MGAT3: variants seen among roughly 807,000 people sequenced by gnomAD.
MGAT3 encodes the protein beta-1,4-mannosyl-glycoprotein 4-beta-N-acetylglucosaminyltransferase, also known as GlcNAc-T III.
Under a neutral mutation model 29.8 loss-of-function variants are expected in MGAT3, and 9 were observed. That is an observed-to-expected ratio of 0.30 (90% CI 0.18 to 0.53). The LOEUF is 0.53. MGAT3 is among the 20% of genes least tolerant of loss of function. The pLI is 0.96. For synonymous variants in MGAT3, 397 were observed against 348.9 expected (o/e 1.14, Z -1.54); for missense variants, 557 against 769.5 (o/e 0.72, Z 3.27).
rs534661806 is a variant in MGAT3, at chr22:39,489,251, G to A, written c.*302G>A. ...GTGTGCGTGGTGGTCCCTGGGTAGCGGGGGAGGGTAGGCAGGATTGGGGAA... is the reference window on the plus strand; with the variant it reads ...GTGTGCGTGGTGGTCCCTGGGTAGCAGGGGAGGGTAGGCAGGATTGGGGAA... On this transcript the variant is annotated 3_prime_UTR_variant, in exon 2 of 2. Coordinates refer to ENST00000341184, the MANE Select transcript of MGAT3 (RefSeq NM_002409.5). The A allele has an allele frequency of 1.1e-5, 5 of 441,684 alleles. No homozygotes were observed. Among genetic ancestry groups the A allele is most frequent in the African/African-American group, 6.0e-5 (3 of 50,168 alleles). The allele number at this position is 441,684 out of a possible 1,614,324, so 27.4% of individuals were successfully genotyped here. A position where few individuals can be genotyped will look rare whatever the true frequency, so the allele number is the denominator to read the frequency against.
Position 39,487,254 on chromosome 22 carries a change from C to A in MGAT3, c.-1-93C>A. 1 of 1,343,252 alleles carries A rather than the reference C, an allele frequency of 7.4e-7. No individual in the cohort carries two copies. The highest frequency in any genetic ancestry group is 1.0e-6 in the Non-Finnish European group (1 of 981,052). The allele number at this position is 1,343,252 out of a possible 1,614,324, so 83.2% of individuals were successfully genotyped here. On this transcript the variant is annotated intron_variant, in intron 1 of 1. Coordinates refer to ENST00000341184, the MANE Select transcript of MGAT3 (RefSeq NM_002409.5). This position sits in a 1 kb window ranked among gnomAD's most constrained non-coding sequence, Gnocchi z 5.7. ...AGCAGGTGCTGGCCACCACATTGTC[C>A]AGCAAGGTGGCAGCAGAGGCCTCCT...
intron 1 of MGAT3, among the ~76,000 whole-genome samples, chr22:39,478,024 C>T (rs1413863011): frequency 6.6e-6 from 1 of 152,208 alleles, no homozygotes; most frequent in East Asian, 1.9e-4. Flanking sequence ...CCAGGAGCTG[C>T]TGTACATGGC....
intron 1 of MGAT3, among the ~76,000 whole-genome samples, chr22:39,484,253 C>T (rs1929207888): frequency 6.6e-6 from 1 of 152,210 alleles, no homozygotes; most frequent in South Asian, 2.1e-4. Context: ...GGCATCCAGC[C>T]TTGAGCATTG....
At chr22:39,464,592 C>A (rs1334577599) in intron 1 of MGAT3, among the ~76,000 whole-genome samples, 1 of 151,650 alleles carries the variant, frequency 6.6e-6, no homozygotes, top group Non-Finnish European at 1.5e-5. Context: ...AGACGCCCAC[C>A]ACCACACCCA....
chr22:39,465,530 A>G (rs1601718613), intron 1 of MGAT3, among the ~76,000 whole-genome samples: 1 of 152,050 alleles, frequency 6.6e-6, no homozygotes, highest in Non-Finnish European at 1.5e-5. Context: ...CAGGTCCCTC[A>G]CCCGTCAGGC....
At position 39,489,794 on chromosome 22, in the gene MGAT3, G is replaced by A. The variant is rs899204822; in HGVS notation, c.*845G>A. 6.0e-6 allele frequency: 1 copy of A among 167,466 alleles called. No individual in the cohort carries two copies. 10.4% of individuals were successfully genotyped at this position (167,466 alleles called of 1,614,324 possible). A position where few individuals can be genotyped will look rare whatever the true frequency, so the allele number is the denominator to read the frequency against. On this transcript the variant is annotated 3_prime_UTR_variant, in exon 2 of 2. Transcript: ENST00000341184. ...AGGTGTGGCCTTGAGGGGGAAGTGG[G>A]GAGGAGAAGACTGACATGAGTCCTC... is the stretch of plus-strand genomic sequence containing the variant.
At position 39,488,814 on chromosome 22, in the gene MGAT3, G is replaced by A; in HGVS notation, c.1467G>A (p.Lys489=). ...TGTATGCGCCCAAGTACCTGCTGAA[G>A]AACTACGACCGGTTCCACTACCTGC... ...EHMYAPKYLL[K]NYDRFHYLLD... Residue 489 remains lysine, a synonymous_variant, in exon 2 of 2, where the codon AAG becomes AAA. Coordinates refer to ENST00000341184, the MANE Select transcript of MGAT3 (RefSeq NM_002409.5). 1 of 1,610,850 alleles carries A rather than the reference G, an allele frequency of 6.2e-7. No individual in the cohort carries two copies. The highest frequency in any genetic ancestry group is 8.5e-7 in the Non-Finnish European group (1 of 1,178,566).
intron 1 of MGAT3, among the ~76,000 whole-genome samples, chr22:39,469,557 G>T (rs1347042929): frequency 6.6e-6 from 1 of 152,168 alleles, no homozygotes; most frequent in Non-Finnish European, 1.5e-5. Flanking sequence ...CACTGCCTAG[G>T]ACTCTTGGAC....
intron 1 of MGAT3, among the ~76,000 whole-genome samples, chr22:39,460,804 AATAG>A (rs1280432539): frequency 6.6e-6 from 1 of 152,124 alleles, no homozygotes; most frequent in Non-Finnish European, 1.5e-5. Context: ...CTCAAAAATA[AATAG>A]ATAAATAAAT....
chr22:39,467,210 T>G, intron 1 of MGAT3, among the ~76,000 whole-genome samples: 1 of 152,198 alleles, frequency 6.6e-6, no homozygotes, highest in East Asian at 1.9e-4. Context: ...ACCAAGCAGG[T>G]GCCAGGCCCT....
chr22:39,474,256 G>A (rs149769109), intron 1 of MGAT3, among the ~76,000 whole-genome samples: 9 of 152,282 alleles, frequency 5.9e-5, no homozygotes, highest in Admixed American at 2.6e-4. Flanking sequence ...GCTTTCCTGG[G>A]CAGCGAATCC....
At position 39,487,284 on chromosome 22, in the gene MGAT3, C is replaced by A; in HGVS notation, c.-1-63C>A. The A allele has an allele frequency of 6.6e-7, 1 of 1,512,750 alleles. No individual in the cohort carries two copies. Among genetic ancestry groups the A allele is most frequent in the East Asian group, 2.3e-5 (1 of 44,264 alleles). 93.7% of individuals were successfully genotyped at this position (1,512,750 alleles called of 1,614,324 possible). On this transcript the variant is annotated intron_variant, in intron 1 of 1. Coordinates refer to ENST00000341184, the MANE Select transcript of MGAT3 (RefSeq NM_002409.5). This position sits in a 1 kb window ranked among gnomAD's most constrained non-coding sequence, Gnocchi z 5.7. ...AGGTGGCAGCAGAGGCCTCCTAGGT[C>A]CCCTTCCTAGGAAAGGAGCCTGGGC...
chr22:39,468,628 G>A (rs1455058153), intron 1 of MGAT3, among the ~76,000 whole-genome samples: 1 of 152,242 alleles, frequency 6.6e-6, no homozygotes, highest in African/African-American at 2.4e-5. Flanking sequence ...CCACTTGTGT[G>A]AGCCCCAGAC....
intron 1 of MGAT3, among the ~76,000 whole-genome samples, chr22:39,470,660 G>C (rs1342773509): frequency 6.6e-6 from 1 of 152,178 alleles, no homozygotes; most frequent in African/African-American, 2.4e-5. Flanking sequence ...GGGAGCATTT[G>C]GGGGAACGGG....
At chr22:39,480,121 G>T (rs1929082493) in intron 1 of MGAT3, among the ~76,000 whole-genome samples, 1 of 152,198 alleles carries the variant, frequency 6.6e-6, no homozygotes, top group Admixed American at 6.5e-5. Flanking sequence ...GGGAGAGTTC[G>T]GGATGGGCTC....
intron 1 of MGAT3, among the ~76,000 whole-genome samples, chr22:39,465,927 G>A (rs1474533011): frequency 1.4e-5 from 2 of 144,900 alleles, no homozygotes; most frequent in Non-Finnish European, 3.0e-5. Flanking sequence ...GTGAGACTCC[G>A]TCTTAAAAAA....
At chr22:39,464,977 G>A (rs953337941) in intron 1 of MGAT3, among the ~76,000 whole-genome samples, 3 of 151,630 alleles carry the variant, frequency 2.0e-5, no homozygotes, top group Non-Finnish European at 2.9e-5. Flanking sequence ...GCATGGTCTC[G>A]ATCTCCTGAC....
rs1285139872 is a variant in MGAT3 at position 39,457,712 on chromosome 22, G to T, written c.-2+155G>T. 6.7e-6 allele frequency among the ~76,000 whole-genome samples: 1 copy of T among 150,220 alleles called. No individual in the cohort carries two copies. On this transcript the variant is annotated intron_variant, in intron 1 of 1. Transcript: ENST00000341184. This position sits in a 1 kb window ranked among gnomAD's most constrained non-coding sequence, Gnocchi z 6.8. ...GGGCGCGGGCGCACTGGGGCTGGGG[G>T]CCCGGAGGCCGCGGTGGGGGCGGGA... is the stretch of plus-strand genomic sequence containing the variant.
In MGAT3 at chr22:39,457,153, G is replaced by T. The variant is rs1220902137; in HGVS notation, c.-406G>T. Among the ~76,000 whole-genome samples, 1 of 145,722 alleles carries T rather than the reference G, an allele frequency of 6.9e-6. No homozygotes were observed. The highest frequency in any genetic ancestry group is 6.8e-5 in the Admixed American group (1 of 14,722). The stretch of plus-strand genomic sequence containing the variant: ...GCCCGGCTGGCGGGGGAGGGGAGGG[G>T]GTTGCGGAGGGGGCGGGGTGGGGGC... On this transcript the variant is annotated 5_prime_UTR_variant, in exon 1 of 2. Transcript: ENST00000341184. The surrounding 1 kb of genome is among the most constrained non-coding windows in gnomAD (Gnocchi z 6.8).
Sources: allele counts gnomAD v4.1 joint callset (sites outside exome capture counted in the v4.1 genomes callset), GRCh38; gene constraint gnomAD v4.1.1; non-coding constraint Gnocchi (gnomAD v3.1); transcripts MANE v1.5; gene names NCBI Gene and HGNC (gene_info 2026-07-23, HGNC 2026-07-21).